Variants in ADCY1 observed in about 807,000 individuals in gnomAD.
ADCY1 encodes the protein adenylate cyclase 1.
ADCY1 carries 28 observed loss-of-function variants against 105.4 expected under a neutral mutation model. That is an observed-to-expected ratio of 0.27 (90% CI 0.20 to 0.36). The LOEUF is 0.36. ADCY1 is among the 10% of genes least tolerant of loss of function. The pLI is 1.00. For synonymous variants in ADCY1, 655 were observed against 623.8 expected (o/e 1.05, Z -0.75); for missense variants, 977 against 1,434.2 (o/e 0.68, Z 5.15).
chr7:45,584,572 C>T (rs1411872908), intron 1 of ADCY1, among the ~76,000 whole-genome samples: 1 of 152,252 alleles, frequency 6.6e-6, no homozygotes, highest in Admixed American at 6.5e-5. Flanking sequence ...ACTTGACCTC[C>T]TGTCCCTGGA....
intron 1 of ADCY1, among the ~76,000 whole-genome samples, chr7:45,578,881 A>T (rs1052032066): frequency 3.3e-5 from 5 of 152,106 alleles, no homozygotes; most frequent in Admixed American, 6.5e-5. Flanking sequence ...TTTTTACCTA[A>T]TTTTTTTCTG....
chr7:45,616,438 T>A (rs1793739308), intron 3 of ADCY1, among the ~76,000 whole-genome samples: 1 of 152,196 alleles, frequency 6.6e-6, no homozygotes, highest in African/African-American at 2.4e-5. Flanking sequence ...ATCAAATGCA[T>A]CCAGGATCAC....
intron 17 of ADCY1, among the ~76,000 whole-genome samples, chr7:45,705,665 G>A (rs578244836): frequency 1.3e-5 from 2 of 152,244 alleles, no homozygotes; most frequent in East Asian, 1.9e-4. Context: ...GAAGCATGGC[G>A]AGAATATCCT....
At chr7:45,712,146 AATT>A (rs953471429) in intron 19 of ADCY1, among the ~76,000 whole-genome samples, 14 of 138,718 alleles carry the variant, frequency 1.0e-4, no homozygotes, top group African/African-American at 3.5e-4. Context: ...TTTTATTTTA[AATT>A]ATTTTAAATT....
chr7:45,628,402 T>A (rs1443681419), intron 4 of ADCY1, among the ~76,000 whole-genome samples: 2 of 152,110 alleles, frequency 1.3e-5, no homozygotes, highest in African/African-American at 4.8e-5. Flanking sequence ...CCTGCACAGT[T>A]TGTAATGGAC....
rs1792303140 is a variant in ADCY1, at chr7:45,575,333, T to A, written c.639+151T>A. The A allele has an allele frequency of 9.6e-7, 1 of 1,039,670 alleles. No homozygotes were observed. The highest frequency in any genetic ancestry group is 1.7e-5 in the South Asian group (1 of 57,956). The allele number at this position is 1,039,670 out of a possible 1,614,324, so 64.4% of individuals were successfully genotyped here. ...GTGTGTTCAAGGTCACTCCTACGAG[T>A]TGGGGACGCAGTCGGGGCTGGCACC... On this transcript the variant is annotated intron_variant, in intron 1 of 19. Coordinates refer to ENST00000297323, the MANE Select transcript of ADCY1 (RefSeq NM_021116.4). This position sits in a 1 kb window ranked among gnomAD's most constrained non-coding sequence, Gnocchi z 4.7.
chr7:45,636,810 G>C (rs904684760), intron 4 of ADCY1, among the ~76,000 whole-genome samples: 1 of 152,188 alleles, frequency 6.6e-6, no homozygotes, highest in African/African-American at 2.4e-5. Context: ...CAAAGTGCTG[G>C]GATTACAGGC....
At chr7:45,635,824 G>C (rs1794389286) in intron 4 of ADCY1, among the ~76,000 whole-genome samples, 1 of 151,728 alleles carries the variant, frequency 6.6e-6, no homozygotes, top group African/African-American at 2.4e-5. Flanking sequence ...TTAAGAGTGT[G>C]TTCAGTAAGT....
chr7:45,615,366 G>T (rs1048895427), intron 3 of ADCY1, among the ~76,000 whole-genome samples: 1 of 152,154 alleles, frequency 6.6e-6, no homozygotes, highest in Non-Finnish European at 1.5e-5. Flanking sequence ...GGGAGGCCGG[G>T]GTGGGAGGTT....
chr7:45,599,593 G>C (rs1793169934), intron 2 of ADCY1, among the ~76,000 whole-genome samples: 1 of 151,100 alleles, frequency 6.6e-6, no homozygotes, highest in Non-Finnish European at 1.5e-5. Context: ...CTCGGGGGCT[G>C]TGAGGAGGTT....
chr7:45,596,381 G>T (rs1309114065), intron 2 of ADCY1, among the ~76,000 whole-genome samples: 1 of 152,068 alleles, frequency 6.6e-6, no homozygotes, highest in Non-Finnish European at 1.5e-5. Flanking sequence ...CTGATTCTGT[G>T]GGGGGATCCA....
At position 45,718,840 on chromosome 7, in the gene ADCY1, A is replaced by C. The variant is rs1044352584; in HGVS notation, c.*4845A>C. 2 of 152,616 alleles carry C rather than the reference A, an allele frequency of 1.3e-5. No individual in the cohort carries two copies. The highest frequency in any genetic ancestry group is 2.9e-5 in the Non-Finnish European group (2 of 68,122). The allele number at this position is 152,616 out of a possible 1,614,324, so 9.5% of individuals were successfully genotyped here. A position where few individuals can be genotyped will look rare whatever the true frequency, so the allele number is the denominator to read the frequency against. On this transcript the variant is annotated 3_prime_UTR_variant, in exon 20 of 20. Transcript: ENST00000297323. ...GGACTGCTCCCCCTGCATGGAGGGC[A>C]GGCCAGGATGGAGCCCAGGGTAGAC...
At position 45,678,278 on chromosome 7, in the gene ADCY1, C is replaced by G; in HGVS notation, c.1898+15C>G. On this transcript the variant is annotated intron_variant, in intron 10 of 19. Transcript: ENST00000297323. ...ATATTCCCACAGTGAGTATTTCTAT[C>G]AACGAGGTGAGGAACTCACCAAGAA... 1.2e-6 allele frequency: 2 copies of G among 1,608,258 alleles called. No individual in the cohort carries two copies. The highest frequency in any genetic ancestry group is 1.7e-6 in the Non-Finnish European group (2 of 1,174,630).
At chr7:45,616,711 C>A (rs957922460) in intron 3 of ADCY1, among the ~76,000 whole-genome samples, 1 of 152,174 alleles carries the variant, frequency 6.6e-6, no homozygotes, top group African/African-American at 2.4e-5. Context: ...TATGATCATA[C>A]TCAATGATGA....
At position 45,703,284 on chromosome 7, in the gene ADCY1, G is replaced by C; in HGVS notation, c.2455-92G>C. ...GATGTAGACCATCAGCACACCTGGA[G>C]TCCAGTTTGGATGATTAGAAGGAAG... On this transcript the variant is annotated intron_variant, in intron 14 of 19. Coordinates refer to ENST00000297323, the MANE Select transcript of ADCY1 (RefSeq NM_021116.4). This position sits in a 1 kb window ranked among gnomAD's most constrained non-coding sequence, Gnocchi z 5.9. 1 of 1,211,670 alleles carries C rather than the reference G, an allele frequency of 8.3e-7. No individual in the cohort carries two copies. Among genetic ancestry groups the C allele is most frequent in the South Asian group, 1.2e-5 (1 of 80,180 alleles). The allele number at this position is 1,211,670 out of a possible 1,614,324, so 75.1% of individuals were successfully genotyped here. A position where few individuals can be genotyped will look rare whatever the true frequency, so the allele number is the denominator to read the frequency against.
intron 11 of ADCY1, among the ~76,000 whole-genome samples, chr7:45,681,366 C>G (rs1474303625): frequency 6.6e-6 from 1 of 152,174 alleles, no homozygotes; most frequent in Non-Finnish European, 1.5e-5. Flanking sequence ...TTGGTGGACT[C>G]TGCCCTGGAT....
In ADCY1 at chr7:45,710,101, C is replaced by G. The variant is rs749227250; in HGVS notation, c.2933-427C>G. 5.9e-5 allele frequency among the ~76,000 whole-genome samples: 9 copies of G among 152,314 alleles called. No individual in the cohort carries two copies. The highest frequency in any genetic ancestry group is 2.0e-4 in the Admixed American group (3 of 15,298). ...TAAGGTCACATTCTGAGAAAAGGTC[C>G]GGAGCTGCTATTTTTCTGGAAGAGA... On this transcript the variant is annotated intron_variant, in intron 18 of 19. Coordinates refer to ENST00000297323, the MANE Select transcript of ADCY1 (RefSeq NM_021116.4). The surrounding 1 kb of genome is among the most constrained non-coding windows in gnomAD (Gnocchi z 4.7).
chr7:45,600,443 G>A (rs1030280458), intron 2 of ADCY1, among the ~76,000 whole-genome samples: 4 of 152,234 alleles, frequency 2.6e-5, no homozygotes, highest in Non-Finnish European at 4.4e-5. Context: ...GACCCCACTC[G>A]CTGAGGAAGA....
At chr7:45,586,740 G>A (rs1406398410) in intron 1 of ADCY1, among the ~76,000 whole-genome samples, 1 of 152,234 alleles carries the variant, frequency 6.6e-6, no homozygotes, top group Non-Finnish European at 1.5e-5. Context: ...CAGGGAGGGG[G>A]ACAGAGGGAC....
Sources: gnomAD v4.1 joint callset for allele counts (sites outside exome capture counted in the v4.1 genomes callset) on GRCh38, gnomAD v4.1.1 for gene constraint, Gnocchi (gnomAD v3.1) non-coding constraint, MANE v1.5 for transcripts, NCBI Gene and HGNC (gene_info 2026-07-23, HGNC 2026-07-21) for gene names.